The following MAP3K7CL variants were observed in gnomAD, a reference collection of about 807,000 sequenced individuals.
MAP3K7CL encodes the protein MAP3K7 C-terminal-like protein.
A neutral mutation model predicts 18.6 loss-of-function variants in MAP3K7CL; 16 were observed. That is an observed-to-expected ratio of 0.86 (90% CI 0.58 to 1.31). MAP3K7CL has a LOEUF of 1.31. Ranked by LOEUF, MAP3K7CL falls within the 50% of genes most tolerant of loss-of-function variation. The probability of loss-of-function intolerance (pLI) is 0.00; values close to 1 mark genes in which losing one functional copy is unlikely to be tolerated. For synonymous variants in MAP3K7CL, 65 were observed against 66.8 expected (o/e 0.97, Z 0.13); for missense variants, 163 against 174.4 (o/e 0.93, Z 0.37).
intron 2 of MAP3K7CL, among the ~76,000 whole-genome samples, chr21:29,136,583 G>T (rs2086891534): frequency 6.6e-6 from 1 of 151,656 alleles, no homozygotes; most frequent in South Asian, 2.1e-4. Context: ...GGCGTGCAGT[G>T]GTGCAATATT....
chr21:29,104,833 G>A (rs1048690061), intron 4 of MAP3K7CL, among the ~76,000 whole-genome samples: 2 of 152,158 alleles, frequency 1.3e-5, no homozygotes, highest in African/African-American at 4.8e-5. Context: ...CCCTCTTTTC[G>A]AAGTGGTATC....
At chr21:29,116,383 C>T (rs910327056) in intron 4 of MAP3K7CL, among the ~76,000 whole-genome samples, 1 of 152,096 alleles carries the variant, frequency 6.6e-6, no homozygotes, top group East Asian at 1.9e-4. Flanking sequence ...TGAGTTTTCT[C>T]GAGTAAAATC....
intron 4 of MAP3K7CL, among the ~76,000 whole-genome samples, chr21:29,095,503 T>TA (rs773776094): frequency 6.6e-6 from 1 of 152,216 alleles, no homozygotes; most frequent in Non-Finnish European, 1.5e-5. Context: ...TAGAAGAGAA[T>TA]AAAGACCTGA....
chr21:29,109,436 T>A, intron 4 of MAP3K7CL: 2 of 1,224,952 alleles, frequency 1.6e-6, no homozygotes, highest in Non-Finnish European at 2.0e-6. Context: ...TTTCACTAAG[T>A]GTGAGACTTC....
intron 3 of MAP3K7CL, among the ~76,000 whole-genome samples, chr21:29,156,760 G>T (rs2087414481): frequency 6.6e-6 from 1 of 152,134 alleles, no homozygotes; most frequent in African/African-American, 2.4e-5. Context: ...CTTAATACTT[G>T]TATTCACCAG....
Position 29,144,453 on chromosome 21 carries a change from C to T in MAP3K7CL, c.71-4736C>T, listed in dbSNP as rs978002017. ...GTGCTAGGATTACAAGTATGAGTCA[C>T]TGTGCCCAGCCAGAATATTTTAGGG... is the stretch of plus-strand genomic sequence containing the variant. On this transcript the variant is annotated intron_variant, in intron 2 of 4. Transcript: ENST00000399928. Among the ~76,000 whole-genome samples, 12 of 152,338 alleles carry T rather than the reference C, an allele frequency of 7.9e-5. No homozygotes were observed. In the South Asian group the frequency reaches 1.2e-3, roughly 16 times the overall value.
chr21:29,158,694 A>C (rs947538290), intron 3 of MAP3K7CL, among the ~76,000 whole-genome samples: 1 of 152,132 alleles, frequency 6.6e-6, no homozygotes, highest in African/African-American at 2.4e-5. Flanking sequence ...AAATAGTAAA[A>C]AATTCATTAG....
chr21:29,140,485 C>T (rs773582734), intron 2 of MAP3K7CL, among the ~76,000 whole-genome samples: 7 of 152,100 alleles, frequency 4.6e-5, no homozygotes, highest in Middle Eastern at 3.2e-3. Flanking sequence ...CTAAGTGAGG[C>T]GAAGTGACTT....
At chr21:29,096,473 G>T (rs1182596521) in intron 4 of MAP3K7CL, among the ~76,000 whole-genome samples, 1 of 152,170 alleles carries the variant, frequency 6.6e-6, no homozygotes, top group Non-Finnish European at 1.5e-5. Flanking sequence ...ACATCTAAAA[G>T]TCAGGTAGGA....
chr21:29,143,642 C>T (rs1048228559), intron 2 of MAP3K7CL, among the ~76,000 whole-genome samples: 1 of 151,994 alleles, frequency 6.6e-6, no homozygotes, highest in Non-Finnish European at 1.5e-5. Context: ...AGTCTGGTCT[C>T]GAACTCCCGA....
At chr21:29,115,183 C>G (rs1327722104) in intron 4 of MAP3K7CL, among the ~76,000 whole-genome samples, 4 of 152,182 alleles carry the variant, frequency 2.6e-5, no homozygotes, top group Non-Finnish European at 4.4e-5. Flanking sequence ...CTAGATCCCA[C>G]TCCTAAAAAC....
At position 29,174,710 on chromosome 21, in the gene MAP3K7CL, A is replaced by T. The variant is rs778788208; in HGVS notation, c.249-2A>T. 6.2e-7 allele frequency: 1 copy of T among 1,614,012 alleles called. No individual in the cohort carries two copies. Among genetic ancestry groups the T allele is most frequent in the Non-Finnish European group, 8.5e-7 (1 of 1,179,936 alleles). On this transcript the variant is annotated splice_acceptor_variant, in intron 4 of 4. Coordinates refer to ENST00000399928, the MANE Select transcript of MAP3K7CL (RefSeq NM_001286620.2). LOFTEE classifies it high-confidence loss of function. ...TTCCTGCCCTTTACCCCGAATCTTC[A>T]GGAAGGAGCTCATTGCCAAGTTAGA...
chr21:29,080,081 G>A (rs1227946499), intron 1 of MAP3K7CL, among the ~76,000 whole-genome samples: 6 of 152,166 alleles, frequency 3.9e-5, no homozygotes, highest in African/African-American at 1.4e-4. Flanking sequence ...CTTTATTTCA[G>A]GTGACTTGAG....
At chr21:29,100,912 C>T (rs2146529769) in intron 4 of MAP3K7CL, among the ~76,000 whole-genome samples, 1 of 151,848 alleles carries the variant, frequency 6.6e-6, no homozygotes, top group East Asian at 1.9e-4. Flanking sequence ...CAGGGTTTCA[C>T]CGGGTTAGCC....
chr21:29,131,831 A>C (rs951729761), intron 1 of MAP3K7CL, among the ~76,000 whole-genome samples: 1 of 152,174 alleles, frequency 6.6e-6, no homozygotes, highest in African/African-American at 2.4e-5. Context: ...ATATATATGC[A>C]TTGGCTTTGG....
upstream of MAP3K7CL, among the ~76,000 whole-genome samples, chr21:29,081,732 C>T (rs1019069244): frequency 1.3e-5 from 2 of 152,154 alleles, no homozygotes; most frequent in Non-Finnish European, 2.9e-5. Context: ...GCCAGTTTCC[C>T]ACCACAGATT....
rs547517666 is a variant in MAP3K7CL at position 29,080,781 on chromosome 21, G to A, written c.-49+3068G>A. Reference sequence around the variant, plus strand: ...AGAGCTTGCTTCTCTAGCCCATCAAGAATTTTTGAAGGATCTGATTCCTGT... The same window carrying A: ...AGAGCTTGCTTCTCTAGCCCATCAAAAATTTTTGAAGGATCTGATTCCTGT... On this transcript the variant is annotated intron_variant, in intron 1 of 7. Transcript: ENST00000341618. 23 of 151,960 alleles carry A rather than the reference G, an allele frequency of 1.5e-4. No individual in the cohort carries two copies. In the South Asian group the frequency reaches 4.4e-3, roughly 29 times the overall value. 9.4% of individuals were successfully genotyped at this position (151,960 alleles called of 1,614,324 possible).
chr21:29,155,698 A>C (rs1266457717), intron 3 of MAP3K7CL, among the ~76,000 whole-genome samples: 1 of 152,216 alleles, frequency 6.6e-6, no homozygotes, highest in Non-Finnish European at 1.5e-5. Context: ...TTCACGCTGC[A>C]CTGCCATGAA....
At chr21:29,089,545 G>A in intron 1 of MAP3K7CL, among the ~76,000 whole-genome samples, 1 of 152,218 alleles carries the variant, frequency 6.6e-6, no homozygotes, top group Middle Eastern at 3.4e-3. Context: ...CTAAGTTAGG[G>A]GCTGCTTATA....
Sources: allele counts gnomAD v4.1 joint callset (sites outside exome capture counted in the v4.1 genomes callset), GRCh38; gene constraint gnomAD v4.1.1; transcripts MANE v1.5; gene names NCBI Gene and HGNC (gene_info 2026-07-23, HGNC 2026-07-21).